ARHGAP21: variants seen among roughly 807,000 people sequenced by gnomAD.
ARHGAP21 encodes Rho GTPase activating protein 21.
ARHGAP21 carries 38 observed loss-of-function variants against 164.6 expected under a neutral mutation model. That is an observed-to-expected ratio of 0.23 (90% CI 0.18 to 0.30). The LOEUF is 0.30. ARHGAP21 is among the 10% of genes least tolerant of loss of function. The pLI is 1.00. For missense variants in ARHGAP21, 1,822 were observed against 2,370.7 expected (o/e 0.77, Z 4.81); for synonymous variants, 766 against 857.9 (o/e 0.89, Z 1.87).
chr10:24,648,532 C>G (rs142036499), intron 4 of ARHGAP21, among the ~76,000 whole-genome samples: 31 of 152,276 alleles, frequency 2.0e-4, no homozygotes, highest in African/African-American at 7.2e-4. Flanking sequence ...ATAATCCCAG[C>G]ACTTTGGGAG....
At chr10:24,621,646 A>G (rs998091649) in intron 8 of ARHGAP21, among the ~76,000 whole-genome samples, 4 of 152,180 alleles carry the variant, frequency 2.6e-5, no homozygotes, top group Non-Finnish European at 5.9e-5. Context: ...AACCAATTAG[A>G]TGTACCCACA....
At chr10:24,592,622 T>C (rs958721916) in intron 21 of ARHGAP21, among the ~76,000 whole-genome samples, 3 of 151,784 alleles carry the variant, frequency 2.0e-5, no homozygotes, top group Admixed American at 1.3e-4. Context: ...TCATCTCTAC[T>C]AAAAATAAAT....
chr10:24,591,533 G>A (rs1054394694), intron 23 of ARHGAP21, 109 bp downstream of exon 23: 24 of 1,396,020 alleles, frequency 1.7e-5, no homozygotes, highest in Non-Finnish European at 2.2e-5. Context: ...ACCTGCTTCC[G>A]GGGCGCAAAG....
At chr10:24,655,984 C>A (rs1200780279) in intron 4 of ARHGAP21, among the ~76,000 whole-genome samples, 2 of 136,068 alleles carry the variant, frequency 1.5e-5, no homozygotes, top group African/African-American at 2.9e-5. Flanking sequence ...CTGGCAACCA[C>A]CCCGTCTGAG....
chr10:24,719,832 G>A lies in ARHGAP21; in HGVS notation c.63+2005C>T, dbSNP rs143613157. ...AAGCATCAATCACAGATTAAAACACGTCACAACTAAATACAGGCAATAATT... is the reference window on the plus strand; with the variant it reads ...AAGCATCAATCACAGATTAAAACACATCACAACTAAATACAGGCAATAATT... On this transcript the variant is annotated intron_variant, in intron 2 of 25. Coordinates refer to ENST00000396432, the MANE Select transcript of ARHGAP21 (RefSeq NM_020824.4). 1.9e-3 allele frequency among the ~76,000 whole-genome samples: 283 copies of A among 152,206 alleles called. 2 individuals are homozygous for A. Among genetic ancestry groups the A allele is most frequent in the African/African-American group, 6.6e-3 (273 of 41,538 alleles).
intron 4 of ARHGAP21, among the ~76,000 whole-genome samples, chr10:24,659,409 G>A (rs555270508): frequency 6.6e-6 from 1 of 152,168 alleles, no homozygotes; most frequent in African/African-American, 2.4e-5. Flanking sequence ...TCCGCCTCCC[G>A]GGTTCAAGCG....
chr10:24,717,769 C>T (rs1342882608), intron 2 of ARHGAP21, among the ~76,000 whole-genome samples: 3 of 152,054 alleles, frequency 2.0e-5, no homozygotes, highest in African/African-American at 2.4e-5. Context: ...GGTAATGTAA[C>T]GATCAGCTGG....
chr10:24,589,214 A>T, intron 25 of ARHGAP21, 57 bp downstream of exon 25: 3 of 1,463,254 alleles, frequency 2.1e-6, no homozygotes, highest in Non-Finnish European at 1.9e-6. Flanking sequence ...CAACCATAAC[A>T]ATCAGCCGAA....
At position 24,620,360 on chromosome 10, in the gene ARHGAP21, C is replaced by A. The variant is rs1286651564; in HGVS notation, c.1535G>T (p.Gly512Val). ...TCCATTGGAATCAGGTATTGGAGTT[C>A]CAGAATTGACATTTTCTAAGGTTTC... ...QDETLENVNS[G>V]TPIPDSNGEK... Residue 512 changes from glycine to valine, a missense_variant, in exon 9 of 26, where the codon GGA becomes GTA. By Grantham distance (109) the Gly-to-Val change is moderately radical. Around this residue, in one of 5 missense-constraint regions of ARHGAP21, gnomAD observed 1,090 missense variants for 1,378.9 expected, o/e 0.79. Transcript: ENST00000396432. 5.0e-6 allele frequency: 8 copies of A among 1,613,554 alleles called. No homozygotes were observed. Among genetic ancestry groups the A allele is most frequent in the African/African-American group, 2.7e-5 (2 of 74,838 alleles).
chr10:24,690,827 CA>C (rs11285145), intron 2 of ARHGAP21, among the ~76,000 whole-genome samples: 72,847 of 142,208 alleles, frequency 0.51, 18,389 homozygotes, highest in Middle Eastern at 0.57. Flanking sequence ...GACTCCATCT[CA>C]AAAAAAAAAA....
At chr10:24,653,979 G>C (rs1283488089) in intron 4 of ARHGAP21, among the ~76,000 whole-genome samples, 4 of 152,124 alleles carry the variant, frequency 2.6e-5, no homozygotes, top group African/African-American at 9.7e-5. Context: ...TCATATATCT[G>C]ATAAGGACTT....
chr10:24,651,699 T>C (rs1161206523), intron 4 of ARHGAP21, among the ~76,000 whole-genome samples: 3 of 152,348 alleles, frequency 2.0e-5, no homozygotes, highest in South Asian at 4.1e-4. Context: ...CATGATCTAC[T>C]ACATTAAGTG....
chr10:24,586,125 G>T lies in ARHGAP21; in HGVS notation c.4183-19C>A. 6.5e-7 allele frequency: 1 copy of T among 1,550,368 alleles called. No individual in the cohort carries two copies. The highest frequency in any genetic ancestry group is 2.2e-5 in the East Asian group (1 of 44,466). ...AAGAACCCTGGGAAGCAAGAGAGAA[G>T]AAAGACTCTGAGCATAAGAATGCAG... On this transcript the variant is annotated intron_variant, in intron 25 of 25. Transcript: ENST00000396432.
intron 7 of ARHGAP21, chr10:24,629,742 G>C (rs1445125898): frequency 2.0e-6 from 1 of 506,438 alleles, no homozygotes; most frequent in Non-Finnish European, 3.8e-6. Context: ...AAACTCTTTA[G>C]GAATCTCATT....
At chr10:24,652,646 G>A (rs1169567851) in intron 4 of ARHGAP21, among the ~76,000 whole-genome samples, 1 of 152,094 alleles carries the variant, frequency 6.6e-6, no homozygotes, top group Non-Finnish European at 1.5e-5. Flanking sequence ...AGAACTGACA[G>A]GTAAAATCCA....
intron 4 of ARHGAP21, among the ~76,000 whole-genome samples, chr10:24,655,521 T>C (rs1019799027): frequency 6.6e-6 from 1 of 152,158 alleles, no homozygotes; most frequent in Non-Finnish European, 1.5e-5. Flanking sequence ...CATGAAAAAA[T>C]GCTCATCATC....
chr10:24,616,027 C>T (rs1033526388), intron 9 of ARHGAP21, among the ~76,000 whole-genome samples: 9 of 152,184 alleles, frequency 5.9e-5, no homozygotes, highest in African/African-American at 2.2e-4. Flanking sequence ...ATCTGACTGC[C>T]TCAGCCTCCC....
intron 14 of ARHGAP21, among the ~76,000 whole-genome samples, chr10:24,598,402 CAA>C (rs1307428437): frequency 6.6e-6 from 1 of 152,062 alleles, no homozygotes; most frequent in African/African-American, 2.4e-5. Context: ...AAAAGAAAAA[CAA>C]ATAATATAGG....
chr10:24,680,351 T>G (rs927631789), intron 2 of ARHGAP21, among the ~76,000 whole-genome samples: 2 of 152,236 alleles, frequency 1.3e-5, no homozygotes, highest in African/African-American at 4.8e-5. Flanking sequence ...TTAAATTTAT[T>G]TCTAATGTAT....
Sources: gnomAD v4.1 joint callset for allele counts (sites outside exome capture counted in the v4.1 genomes callset) on GRCh38, gnomAD v4.1.1 for gene constraint, gnomAD v4.1.1 regional missense constraint, MANE v1.5 for transcripts, NCBI Gene and HGNC (gene_info 2026-07-23, HGNC 2026-07-21) for gene names.